Variants in LRRIQ1 observed in about 807,000 individuals in gnomAD.
The protein encoded by LRRIQ1 is leucine-rich repeat- and IQ domain-containing protein 1.
In LRRIQ1, 210 loss-of-function variants were observed where a neutral mutation model predicts 211.9. The observed-to-expected ratio is 0.99, with a 90% confidence interval of 0.89 to 1.11. The LOEUF is 1.11. Among genes scored for constraint, LRRIQ1 ranks in the 50% most tolerant of loss-of-function variants. The pLI is 0.00. For missense variants in LRRIQ1, 2,136 were observed against 1,939.5 expected (o/e 1.10, Z -1.90); for synonymous variants, 699 against 650.1 (o/e 1.08, Z -1.14).
chr12:85,149,775 T>C (rs982158588), intron 19 of LRRIQ1, among the ~76,000 whole-genome samples: 1 of 151,740 alleles, frequency 6.6e-6, no homozygotes, highest in Non-Finnish European at 1.5e-5. Context: ...ATCTTTAACA[T>C]TTTATATAAA....
rs142651258 is a variant in LRRIQ1, at chr12:85,232,095, C to T, written c.4956-601C>T. ...ATATACTTAAATATTTAACAATAAC[C>T]CTTACTCATAAATAAGTTATATATA... On this transcript the variant is annotated intron_variant, in intron 25 of 26. Coordinates refer to ENST00000393217, the MANE Select transcript of LRRIQ1 (RefSeq NM_001079910.2). 6.3e-3 allele frequency among the ~76,000 whole-genome samples: 955 copies of T among 151,710 alleles called. 7 individuals carry two copies. The highest frequency in any genetic ancestry group is 0.022 in the African/African-American group (921 of 41,354).
chr12:85,126,540 A>G (rs1009847629), intron 17 of LRRIQ1, among the ~76,000 whole-genome samples: 1 of 152,198 alleles, frequency 6.6e-6, no homozygotes, highest in Non-Finnish European at 1.5e-5. Context: ...TATTTATATC[A>G]AAATTTACAA....
At chr12:85,113,312 G>A (rs1887319660) in intron 15 of LRRIQ1, among the ~76,000 whole-genome samples, 1 of 152,062 alleles carries the variant, frequency 6.6e-6, no homozygotes, top group Non-Finnish European at 1.5e-5. Flanking sequence ...AGCTTGATCT[G>A]CAGTACTGAA....
intron 6 of LRRIQ1, 200 bp downstream of exon 6, chr12:85,047,670 G>T: frequency 2.1e-6 from 1 of 482,332 alleles, no homozygotes. Context: ...TGGAAGGTCA[G>T]ACACACTTCT....
At chr12:85,213,342 C>T (rs948028170) in intron 24 of LRRIQ1, among the ~76,000 whole-genome samples, 1 of 151,586 alleles carries the variant, frequency 6.6e-6, no homozygotes, top group Non-Finnish European at 1.5e-5. Flanking sequence ...AAAAATAAGG[C>T]AAAAATTAAA....
chr12:85,102,955 A>T (rs1194596200), intron 13 of LRRIQ1, among the ~76,000 whole-genome samples: 2,897 of 118,308 alleles, frequency 0.024, 96 homozygotes, highest in East Asian at 0.12. Context: ...AAAAAAAAAA[A>T]AAAAATATAT....
chr12:85,112,378 G>T (rs907135497), intron 15 of LRRIQ1, among the ~76,000 whole-genome samples: 2 of 150,632 alleles, frequency 1.3e-5, no homozygotes, highest in Non-Finnish European at 3.0e-5. Flanking sequence ...GTATAAATAG[G>T]CTATTTCTAT....
At chr12:85,155,979 G>T (rs1274399086) in intron 23 of LRRIQ1, among the ~76,000 whole-genome samples, 1 of 151,552 alleles carries the variant, frequency 6.6e-6, no homozygotes, top group Admixed American at 6.6e-5. Context: ...TCTTTTATCA[G>T]TCACAAGGGG....
intron 9 of LRRIQ1, among the ~76,000 whole-genome samples, 200 bp from the exon 10 acceptor site, chr12:85,066,548 A>G (rs986088084): frequency 6.6e-6 from 1 of 151,488 alleles, no homozygotes; most frequent in African/African-American, 2.4e-5. Flanking sequence ...TATTTAATAT[A>G]TTAAAAATTA....
chr12:85,070,234 A>T (rs1366538563), intron 10 of LRRIQ1, among the ~76,000 whole-genome samples: 1 of 151,938 alleles, frequency 6.6e-6, no homozygotes, highest in Non-Finnish European at 1.5e-5. Context: ...GTATTTGACG[A>T]TTTACTTTTA....
At chr12:85,161,931 T>C (rs1374088222) in intron 24 of LRRIQ1, among the ~76,000 whole-genome samples, 1 of 151,872 alleles carries the variant, frequency 6.6e-6, no homozygotes, top group Non-Finnish European at 1.5e-5. Flanking sequence ...TCCCAGCTAC[T>C]CGGAGGCTGA....
intron 18 of LRRIQ1, among the ~76,000 whole-genome samples, chr12:85,133,241 T>G (rs2136513113): frequency 6.6e-6 from 1 of 152,290 alleles, no homozygotes; most frequent in South Asian, 2.1e-4. Context: ...TTGACCTTTC[T>G]TGAAAATATT....
chr12:85,208,990 G>A (rs1407262244), intron 24 of LRRIQ1, among the ~76,000 whole-genome samples: 1 of 152,058 alleles, frequency 6.6e-6, no homozygotes, highest in Non-Finnish European at 1.5e-5. Context: ...ACTCAGCTAT[G>A]AACTTAGACA....
intron 10 of LRRIQ1, among the ~76,000 whole-genome samples, chr12:85,069,298 C>A (rs1592733834): frequency 1.3e-5 from 2 of 151,990 alleles, no homozygotes; most frequent in African/African-American, 4.8e-5. Context: ...GCATAGTATT[C>A]CATGGTGTAT....
chr12:85,116,399 C>T (rs567048168), intron 15 of LRRIQ1, among the ~76,000 whole-genome samples: 4 of 152,136 alleles, frequency 2.6e-5, no homozygotes, highest in Non-Finnish European at 5.9e-5. Flanking sequence ...CCGCCTCGGC[C>T]TCCCAAAGTG....
intron 24 of LRRIQ1, among the ~76,000 whole-genome samples, chr12:85,165,112 T>C (rs1316826511): frequency 6.6e-6 from 1 of 152,156 alleles, no homozygotes; most frequent in Admixed American, 6.6e-5. Flanking sequence ...GTCTGTGAGA[T>C]TATTAGTAAA....
chr12:85,128,850 T>C lies in LRRIQ1; in HGVS notation c.4209+817T>C, dbSNP rs190959960. Among the ~76,000 whole-genome samples the C allele has an allele frequency of 4.5e-3, 692 of 152,292 alleles. 4 individuals carry two copies. Among genetic ancestry groups the C allele is most frequent in the Non-Finnish European group, 7.2e-3 (492 of 68,020 alleles). ...CAGTATAAAACATTACCATTTATTA[T>C]TGTAAAATTTTTGTAACTCAGAAGT... On this transcript the variant is annotated intron_variant, in intron 18 of 26. Coordinates refer to ENST00000393217, the MANE Select transcript of LRRIQ1 (RefSeq NM_001079910.2).
chr12:85,040,372 T>G, intron 2 of LRRIQ1, 118 bp from the exon 3 acceptor site: 1 of 505,408 alleles, frequency 2.0e-6, no homozygotes, highest in East Asian at 3.1e-5. Context: ...TATGGAATCT[T>G]TTTACTTCAT....
intron 18 of LRRIQ1, among the ~76,000 whole-genome samples, chr12:85,130,656 G>T (rs1201440708): frequency 6.6e-6 from 1 of 152,012 alleles, no homozygotes; most frequent in African/African-American, 2.4e-5. Context: ...CACATCTGTT[G>T]GGAACAATCA....
Sources: allele counts gnomAD v4.1 joint callset (sites outside exome capture counted in the v4.1 genomes callset), GRCh38; gene constraint gnomAD v4.1.1; transcripts MANE v1.5; gene names NCBI Gene and HGNC (gene_info 2026-07-23, HGNC 2026-07-21).